Variants in BBS2 observed in about 807,000 individuals in gnomAD.
BBS2 encodes the protein Bardet-Biedl syndrome 2.
A neutral mutation model predicts 83.0 loss-of-function variants in BBS2; 62 were observed. That is an observed-to-expected ratio of 0.75 (90% CI 0.61 to 0.92). BBS2 has a LOEUF of 0.92. Ranked by LOEUF, BBS2 falls within the 40% of genes least tolerant of loss-of-function variation. BBS2 has a pLI of 0.00. For missense variants in BBS2, 784 were observed against 901.0 expected (o/e 0.87, Z 1.66); for synonymous variants, 303 against 326.1 (o/e 0.93, Z 0.76).
chr16:56,504,389 G>A (rs1452727018), intron 7 of BBS2, among the ~76,000 whole-genome samples: 1 of 152,150 alleles, frequency 6.6e-6, no homozygotes, highest in Non-Finnish European at 1.5e-5. Flanking sequence ...ATATTTCTGT[G>A]GATATTCTGA....
Position 56,510,849 on chromosome 16 carries a change from C to T in BBS2, c.534+10G>A, listed in dbSNP as rs1207740034. The T allele has an allele frequency of 3.1e-6, 5 of 1,613,548 alleles. No homozygotes were observed. The African/African-American group carries it at 4.0e-5, about 13-fold the overall frequency. ...GAACACACAAGAGAGATATCTCCTC[C>T]CCCACATACCTCTTTCTTTCCATCA... On this transcript the variant is annotated intron_variant, in intron 4 of 16. Coordinates refer to ENST00000245157, the MANE Select transcript of BBS2 (RefSeq NM_031885.5).
chr16:56,501,228 T>G lies in BBS2; in HGVS notation c.1225+125A>C, dbSNP rs542990377. On this transcript the variant is annotated intron_variant, in intron 10 of 16. Coordinates refer to ENST00000245157, the MANE Select transcript of BBS2 (RefSeq NM_031885.5). Reference sequence around the variant, plus strand: ...GGGAGGCTGAGACAGGAGAATGGCATGAACCCGGGAGGCAGAGCTTGCAGT... The same window carrying G: ...GGGAGGCTGAGACAGGAGAATGGCAGGAACCCGGGAGGCAGAGCTTGCAGT... The G allele has an allele frequency of 6.5e-6, 9 of 1,390,884 alleles. No homozygotes were observed. The African/African-American group carries it at 1.0e-4, about 16-fold the overall frequency. 86.2% of individuals were successfully genotyped at this position (1,390,884 alleles called of 1,614,324 possible).
downstream of BBS2, chr16:56,484,374 TCAA>T (rs1340901454): frequency 5.4e-6 from 1 of 184,452 alleles, no homozygotes; most frequent in African/African-American, 2.4e-5. Flanking sequence ...TTATAATCAA[TCAA>T]CACAAAGTTT....
At chr16:56,503,469 G>A (rs200537621) in intron 7 of BBS2, among the ~76,000 whole-genome samples, 8 of 152,164 alleles carry the variant, frequency 5.3e-5, no homozygotes, top group Admixed American at 1.3e-4. Flanking sequence ...CAACAACCCT[G>A]TTAAGAGTTC....
chr16:56,511,076 AC>A (rs1349496641), intron 3 of BBS2, 82 bp downstream of exon 3: 2 of 1,583,062 alleles, frequency 1.3e-6, no homozygotes, highest in Non-Finnish European at 1.7e-6. Flanking sequence ...AAATATTATT[AC>A]TCAGTAGAGT....
chr16:56,491,953 T>C (rs1963963777), intron 15 of BBS2, among the ~76,000 whole-genome samples: 1 of 151,800 alleles, frequency 6.6e-6, no homozygotes, highest in Non-Finnish European at 1.5e-5. Flanking sequence ...GGCAAGGATG[T>C]AGAGAAACTG....
At chr16:56,509,927 G>A in intron 5 of BBS2, 30 bp downstream of exon 5, 3 of 1,609,002 alleles carry the variant, frequency 1.9e-6, no homozygotes, top group Non-Finnish European at 2.6e-6. Flanking sequence ...CTTGCTCAAG[G>A]TTACCATAGT....
At position 56,506,180 on chromosome 16, in the gene BBS2, A is replaced by G. The variant is rs139106996; in HGVS notation, c.657T>C (p.Tyr219=). The change falls in exon 6 of 17, where the codon TAT becomes TAC. Residue 219 remains tyrosine, a synonymous_variant. Coordinates refer to ENST00000245157, the MANE Select transcript of BBS2 (RefSeq NM_031885.5). ...CTCCAACTGTGCCATTGGAAAGGGC[A>G]TAACCAAATCGACTGCCATACATGG... The part of the protein sequence containing the change: ...LCPMYGSRFG[Y]ALSNGTVGVY... 70 of 1,613,984 alleles carry G rather than the reference A, an allele frequency of 4.3e-5. No homozygotes were observed. Among genetic ancestry groups the G allele is most frequent in the Non-Finnish European group, 5.7e-5 (67 of 1,179,980 alleles).
At chr16:56,508,315 G>C (rs914520807) in intron 5 of BBS2, among the ~76,000 whole-genome samples, 6 of 152,152 alleles carry the variant, frequency 3.9e-5, no homozygotes, top group Admixed American at 2.6e-4. Flanking sequence ...TCAGTTTTGA[G>C]ACTAGTGCCC....
At chr16:56,504,924 C>A (rs1471356621) in intron 7 of BBS2, among the ~76,000 whole-genome samples, 1 of 152,210 alleles carries the variant, frequency 6.6e-6, no homozygotes, top group African/African-American at 2.4e-5. Context: ...CCCCCATGAA[C>A]AGGATTAGTG....
chr16:56,510,959 T>C (rs776859876), intron 3 of BBS2, 38 bp from the exon 4 acceptor site: 5 of 1,608,548 alleles, frequency 3.1e-6, no homozygotes, highest in East Asian at 2.2e-5. Flanking sequence ...ATGCCATCGT[T>C]TCTCCATTTA....
chr16:56,519,654 G>A (rs1475124082), intron 1 of BBS2, 92 bp downstream of exon 1: 2 of 1,011,692 alleles, frequency 2.0e-6, no homozygotes, highest in Non-Finnish European at 3.0e-6. Flanking sequence ...GCTGGGGGCG[G>A]GGTCGGAGAG....
In BBS2 at chr16:56,490,128, GCACA is replaced by G. The variant is rs149944639; in HGVS notation, c.1911-4394_1911-4391del. Reference sequence around the variant, plus strand: ...GACCCTATCTCACACACACACACACGCACACACACACACACACACACAAAAATAA... The same window carrying G: ...GACCCTATCTCACACACACACACACGCACACACACACACACACAAAAATAA... On this transcript the variant is annotated intron_variant, in intron 15 of 16. Transcript: ENST00000245157. Among the ~76,000 whole-genome samples, 769 of 113,132 alleles carry G rather than the reference GCACA, an allele frequency of 6.8e-3. 6 individuals are homozygous for G. The highest frequency in any genetic ancestry group is 0.02 in the African/African-American group (713 of 34,872). The allele number at this position is 113,132 out of a possible 152,430, so 74.2% of individuals were successfully genotyped here.
rs560500364 is a variant in BBS2, at chr16:56,490,768, T to A, written c.1911-5030A>T. On this transcript the variant is annotated intron_variant, in intron 15 of 16. Transcript: ENST00000245157. ...AGGTAAAACCAACAGTAAAGCAAAATTTTTTTTTTTTGAGATGGAGTCTCA... is the reference window on the plus strand; with the variant it reads ...AGGTAAAACCAACAGTAAAGCAAAAATTTTTTTTTTTGAGATGGAGTCTCA... Among the ~76,000 whole-genome samples the A allele has an allele frequency of 6.1e-4, 73 of 120,592 alleles. 1 individual carries two copies. The highest frequency in any genetic ancestry group is 5.9e-3 in the South Asian group (19 of 3,234). 79.1% of individuals were successfully genotyped at this position (120,592 alleles called of 152,430 possible).
intron 7 of BBS2, among the ~76,000 whole-genome samples, chr16:56,503,037 T>C (rs1027967427): frequency 6.6e-6 from 1 of 152,212 alleles, no homozygotes; most frequent in South Asian, 2.1e-4. Flanking sequence ...CTGTTTTTCA[T>C]AGGCCTTCAC....
Position 56,520,002 on chromosome 16 carries a change from A to T in BBS2, c.-140T>A. The T allele has an allele frequency of 1.3e-6, 1 of 741,934 alleles. No individual in the cohort carries two copies. Among genetic ancestry groups the T allele is most frequent in the Non-Finnish European group, 2.4e-6 (1 of 420,826 alleles). The allele number at this position is 741,934 out of a possible 1,614,324, so 46.0% of individuals were successfully genotyped here. On this transcript the variant is annotated 5_prime_UTR_variant, in exon 1 of 17. Transcript: ENST00000245157. ...CAGGCCGGACGCGAAACAGCCCGGGACGAACCCGTCCAGGTACCGCCTGCT... is the reference window on the plus strand; with the variant it reads ...CAGGCCGGACGCGAAACAGCCCGGGTCGAACCCGTCCAGGTACCGCCTGCT...
intron 15 of BBS2, among the ~76,000 whole-genome samples, chr16:56,490,432 C>T (rs1251443132): frequency 1.3e-5 from 2 of 151,906 alleles, no homozygotes; most frequent in Non-Finnish European, 2.9e-5. Flanking sequence ...CCAAGGCGGG[C>T]AGATCACCTG....
chr16:56,478,618 A>ATAGTT (rs1362514312), intron 17 of BBS2: 2 of 152,184 alleles, frequency 1.3e-5, no homozygotes, highest in South Asian at 4.1e-4. Flanking sequence ...AGCTTGGAAA[A>ATAGTT]TAGTTTGAGA....
At chr16:56,475,692 T>C in intron 17 of BBS2, 1 of 742,530 alleles carries the variant, frequency 1.3e-6, no homozygotes, top group Non-Finnish European at 2.3e-6. Context: ...GCAATGGTTC[T>C]AATTTCTAGT....
Sources: gnomAD v4.1 joint callset for allele counts (sites outside exome capture counted in the v4.1 genomes callset) on GRCh38, gnomAD v4.1.1 for gene constraint, MANE v1.5 for transcripts, NCBI Gene and HGNC (gene_info 2026-07-23, HGNC 2026-07-21) for gene names.